The following EPM2A variants were observed in gnomAD, a reference collection of about 807,000 sequenced individuals.
The protein encoded by EPM2A is laforin.
Under a neutral mutation model 26.5 loss-of-function variants are expected in EPM2A, and 21 were observed. That is an observed-to-expected ratio of 0.79 (90% CI 0.56 to 1.14). The LOEUF (loss-of-function observed/expected upper bound fraction) is 1.14. Ranked by LOEUF, EPM2A falls within the 50% of genes most tolerant of loss-of-function variation. EPM2A has a pLI of 0.00. For missense variants in EPM2A, 458 were observed against 440.8 expected (o/e 1.04, Z -0.35); for synonymous variants, 217 against 177.6 (o/e 1.22, Z -1.76).
At chr6:145,657,404 T>C (rs1303402589) in intron 2 of EPM2A, among the ~76,000 whole-genome samples, 1 of 152,224 alleles carries the variant, frequency 6.6e-6, no homozygotes, top group Non-Finnish European at 1.5e-5. Context: ...CTATTTTTTA[T>C]TTGAAAAATT....
intron 1 of EPM2A, chr6:145,722,688 C>T (rs959577242): frequency 1.6e-5 from 7 of 428,996 alleles, no homozygotes; most frequent in Non-Finnish European, 3.2e-5. Flanking sequence ...ACTCCTAGAT[C>T]CTCAGAATGT....
chr6:145,554,878 T>G (rs764221726), intron 2 of EPM2A, among the ~76,000 whole-genome samples: 1 of 152,100 alleles, frequency 6.6e-6, no homozygotes, highest in Non-Finnish European at 1.5e-5. Context: ...GGAAACTGAT[T>G]GTGCAGTTTG....
chr6:145,645,473 C>T (rs921041440), intron 2 of EPM2A, among the ~76,000 whole-genome samples: 1 of 152,062 alleles, frequency 6.6e-6, no homozygotes, highest in African/African-American at 2.4e-5. Flanking sequence ...CAGGTAATTT[C>T]TTTTCTACTT....
chr6:145,580,373 A>G (rs927826856), intron 2 of EPM2A, among the ~76,000 whole-genome samples: 3 of 152,200 alleles, frequency 2.0e-5, no homozygotes, highest in Non-Finnish European at 2.9e-5. Flanking sequence ...AACCTTGAAT[A>G]ACACTATTAT....
rs545339319 is a variant in EPM2A, at chr6:145,580,512, T to C, written c.340+54733A>G. On this transcript the variant is annotated intron_variant, in intron 2 of 3. Transcript: ENST00000450221. ...TATATTGTTTTTTGATTACATTTTATTTATTTACTTTTTTAACTTTTATAT... is the reference window on the plus strand; with the variant it reads ...TATATTGTTTTTTGATTACATTTTACTTATTTACTTTTTTAACTTTTATAT... Among the ~76,000 whole-genome samples the C allele has an allele frequency of 7.9e-5, 12 of 152,266 alleles. No individual in the cohort carries two copies. In the South Asian group the frequency reaches 2.3e-3, roughly 29 times the overall value.
chr6:145,627,647 C>A lies in EPM2A; in HGVS notation c.765G>T (p.Leu255=). The A allele has an allele frequency of 1.9e-6, 3 of 1,614,210 alleles. No homozygotes were observed. In the East Asian group the frequency reaches 6.7e-5, roughly 36 times the overall value. ...CGTACACGATGTGTCCCTTCTCCAGCAGCGCATGCAGCAGGCACACCGCCT... is the reference window on the plus strand; with the variant it reads ...CGTACACGATGTGTCCCTTCTCCAGAAGCGCATGCAGCAGGCACACCGCCT... ...LPQAVCLLHA[L]LEKGHIVYVH... Residue 255 remains leucine, a synonymous_variant, in exon 4 of 4, where the codon CTG becomes CTT. Transcript: ENST00000367519.
intron 2 of EPM2A, chr6:145,637,224 TTTCCTATA>T (rs1776754430): frequency 6.6e-6 from 1 of 152,214 alleles, no homozygotes; most frequent in African/African-American, 2.4e-5. Context: ...TTCTTCATTG[TTTCCTATA>T]TTCTTCATTT....
intron 2 of EPM2A, among the ~76,000 whole-genome samples, chr6:145,557,359 C>T (rs1219734940): frequency 6.6e-6 from 1 of 151,818 alleles, no homozygotes; most frequent in Non-Finnish European, 1.5e-5. Context: ...TGCAATATAT[C>T]CATGTAATAA....
At chr6:145,425,113 T>TCTCCCTTCCTTCCTTCCTTC (rs1778836219) in intron 4 of EPM2A, among the ~76,000 whole-genome samples, 1 of 58,440 alleles carries the variant, frequency 1.7e-5, no homozygotes, top group African/African-American at 4.1e-5. Flanking sequence ...TGGATGTAAG[T>TCTCCCTTCCTTCCTTCCTTC]CTCCCTTCCT....
At chr6:145,551,786 C>T (rs765093508) in intron 2 of EPM2A, among the ~76,000 whole-genome samples, 5 of 151,126 alleles carry the variant, frequency 3.3e-5, no homozygotes, top group South Asian at 2.1e-4. Flanking sequence ...AGGATTCACA[C>T]GAATAAGCCA....
chr6:145,422,403 C>CT (rs1778801533), intron 4 of EPM2A, among the ~76,000 whole-genome samples: 1 of 149,570 alleles, frequency 6.7e-6, no homozygotes, highest in Non-Finnish European at 1.5e-5. Context: ...ACTATTTTTT[C>CT]TTTATTTTCT....
intron 2 of EPM2A, among the ~76,000 whole-genome samples, chr6:145,595,494 T>TTTA (rs1781330947): frequency 1.5e-5 from 2 of 134,230 alleles, no homozygotes; most frequent in Non-Finnish European, 3.2e-5. Flanking sequence ...ATATTGATTT[T>TTTA]AAATTTAATT....
chr6:145,588,793 G>A (rs1230067547), intron 2 of EPM2A, among the ~76,000 whole-genome samples: 1 of 152,158 alleles, frequency 6.6e-6, no homozygotes, highest in East Asian at 1.9e-4. Context: ...CTATAAAAGG[G>A]AAACAGGTGA....
At chr6:145,607,721 G>C (rs1349294314) in intron 2 of EPM2A, among the ~76,000 whole-genome samples, 1 of 152,106 alleles carries the variant, frequency 6.6e-6, no homozygotes, top group Non-Finnish European at 1.5e-5. Context: ...CTTGAAACAG[G>C]AGACTGATGA....
chr6:145,704,377 C>T (rs961310632), intron 1 of EPM2A, among the ~76,000 whole-genome samples: 2 of 151,880 alleles, frequency 1.3e-5, no homozygotes, highest in Non-Finnish European at 2.9e-5. Flanking sequence ...AATACTGCCA[C>T]CCAGTGGAAA....
intron 1 of EPM2A, among the ~76,000 whole-genome samples, chr6:145,732,739 T>G (rs1304544715): frequency 6.6e-6 from 1 of 152,248 alleles, no homozygotes; most frequent in Non-Finnish European, 1.5e-5. Context: ...ACAGTTTTCA[T>G]GTCACAAAAT....
At chr6:145,562,127 G>GTAAA (rs755571602) in intron 2 of EPM2A, among the ~76,000 whole-genome samples, 5 of 140,262 alleles carry the variant, frequency 3.6e-5, no homozygotes, top group African/African-American at 1.1e-4. Flanking sequence ...ATTACAAAAA[G>GTAAA]GAAAAAAAAA....
At chr6:145,431,807 C>T (rs1395019754) in intron 4 of EPM2A, among the ~76,000 whole-genome samples, 1 of 152,160 alleles carries the variant, frequency 6.6e-6, no homozygotes, top group Non-Finnish European at 1.5e-5. Flanking sequence ...CTGGAGCACG[C>T]CCTGTTTTTT....
At chr6:145,724,229 A>G (rs1245355167) in intron 1 of EPM2A, among the ~76,000 whole-genome samples, 1 of 152,124 alleles carries the variant, frequency 6.6e-6, no homozygotes, top group Non-Finnish European at 1.5e-5. Context: ...GGAAATTACA[A>G]TGGCCAGCAT....
Sources: allele counts gnomAD v4.1 joint callset (sites outside exome capture counted in the v4.1 genomes callset), GRCh38; gene constraint gnomAD v4.1.1; transcripts MANE v1.5; gene names NCBI Gene and HGNC (gene_info 2026-07-23, HGNC 2026-07-21).